POU2F2: variants seen among roughly 807,000 people sequenced by gnomAD.
POU2F2 encodes the protein POU domain, class 2, transcription factor 2.
Under a neutral mutation model 63.5 loss-of-function variants are expected in POU2F2, and 14 were observed. The ratio of observed to expected loss-of-function variants is 0.22; its 90% CI spans 0.15 to 0.34. POU2F2 has a LOEUF of 0.34. Ranked by LOEUF, POU2F2 falls within the 10% of genes least tolerant of loss-of-function variation. The probability of loss-of-function intolerance (pLI) is 1.00; values close to 1 mark genes in which losing one functional copy is unlikely to be tolerated. For synonymous variants in POU2F2, 306 were observed against 348.6 expected (o/e 0.88, Z 1.36); for missense variants, 607 against 815.2 (o/e 0.74, Z 3.11).
At position 42,086,285 on chromosome 19, in the gene POU2F2, G is replaced by T; in HGVS notation, c.*4972C>A. 6.6e-6 allele frequency: 1 copy of T among 152,348 alleles called. No homozygotes were observed. 9.4% of individuals were successfully genotyped at this position (152,348 alleles called of 1,614,324 possible). A position where few individuals can be genotyped will look rare whatever the true frequency, so the allele number is the denominator to read the frequency against. On this transcript the variant is annotated 3_prime_UTR_variant, in exon 15 of 15. Transcript: ENST00000692977. Reference sequence around the variant, plus strand: ...CCGCTACCACGAGAAGAGACGGAGGGGGTACAGGAAGGGAAGGAAGGGGCT... The same window carrying T: ...CCGCTACCACGAGAAGAGACGGAGGTGGTACAGGAAGGGAAGGAAGGGGCT...
intron 2 of POU2F2, among the ~76,000 whole-genome samples, chr19:42,142,559 ATTTG>A (rs1367056237): frequency 6.9e-6 from 1 of 145,410 alleles, no homozygotes; most frequent in African/African-American, 2.6e-5. Flanking sequence ...GGGGTTTTTT[ATTTG>A]TTTTTGTTTT....
intron 1 of POU2F2, among the ~76,000 whole-genome samples, chr19:42,127,617 A>G (rs1461672929): frequency 6.6e-6 from 1 of 151,970 alleles, no homozygotes; most frequent in Non-Finnish European, 1.5e-5. Flanking sequence ...TCCTGACCTC[A>G]TGATCTGCCC....
chr19:42,189,684 G>A (rs1296394419), intron 1 of POU2F2, among the ~76,000 whole-genome samples: 1 of 152,162 alleles, frequency 6.6e-6, no homozygotes, highest in Non-Finnish European at 1.5e-5. Context: ...AGCACGAGGG[G>A]AGCATAGCCT....
intron 1 of POU2F2, among the ~76,000 whole-genome samples, chr19:42,164,425 G>A (rs2034610290): frequency 6.6e-6 from 1 of 151,696 alleles, no homozygotes; most frequent in Non-Finnish European, 1.5e-5. Flanking sequence ...AAAATAGTTA[G>A]CTAGGCGTGG....
chr19:42,099,892 G>A (rs2077065174), intron 5 of POU2F2, 71 bp from the exon 6 acceptor site: 2 of 1,252,560 alleles, frequency 1.6e-6, no homozygotes, highest in Admixed American at 4.0e-5. Flanking sequence ...TGCATCACCT[G>A]AACCTTGAGG....
intron 1 of POU2F2, among the ~76,000 whole-genome samples, chr19:42,161,552 A>G (rs937995667): frequency 2.0e-5 from 3 of 152,014 alleles, no homozygotes; most frequent in African/African-American, 4.8e-5. Flanking sequence ...AAGGAGGAGG[A>G]GGAGAAAGAA....
At chr19:42,175,280 T>C (rs781588964) in intron 1 of POU2F2, among the ~76,000 whole-genome samples, 9 of 152,088 alleles carry the variant, frequency 5.9e-5, no homozygotes, top group Non-Finnish European at 1.0e-4. Context: ...AGGGTAGAAA[T>C]ACATGGGGTT....
chr19:42,106,375 T>C (rs2030001305), intron 5 of POU2F2, among the ~76,000 whole-genome samples: 1 of 152,172 alleles, frequency 6.6e-6, no homozygotes. Flanking sequence ...CCTCTCAAAG[T>C]GCTGGGGTCA....
chr19:42,144,927 ATC>A (rs1259709097), intron 2 of POU2F2, among the ~76,000 whole-genome samples: 1 of 152,206 alleles, frequency 6.6e-6, no homozygotes, highest in Non-Finnish European at 1.5e-5. Context: ...GGCCTCTTGC[ATC>A]TCTGCAAAAG....
Position 42,099,861 on chromosome 19 carries a change from C to T in POU2F2, c.370-40G>A, listed in dbSNP as rs371413543. 84 of 1,514,486 alleles carry T rather than the reference C, an allele frequency of 5.5e-5. No homozygotes were observed. In the Admixed American group the frequency reaches 1.3e-3, roughly 23 times the overall value. 93.8% of individuals were successfully genotyped at this position (1,514,486 alleles called of 1,614,324 possible). On this transcript the variant is annotated intron_variant, in intron 5 of 14. Coordinates refer to ENST00000692977, the MANE Select transcript of POU2F2 (RefSeq NM_001394376.1). ...GGTGGACAGAAAGATAGCCTGAGTC[C>T]TGGCTGGGTTTCATCCTCTCTGCAT...
At chr19:42,195,783 CT>C (rs1218789626) in intron 1 of POU2F2, among the ~76,000 whole-genome samples, 50 of 112,650 alleles carry the variant, frequency 4.4e-4, no homozygotes, top group Non-Finnish European at 4.7e-4. Context: ...CCCTTCCTGT[CT>C]TTTTTTTTTT....
chr19:42,097,139 T>TCCTTTATCCATTATTCTCCAAGGGTG, intron 7 of POU2F2, among the ~76,000 whole-genome samples: 1 of 151,716 alleles, frequency 6.6e-6, no homozygotes, highest in South Asian at 2.1e-4. Flanking sequence ...GTCGCTCAGG[T>TCCTTTATCCATTATTCTCCAAGGGTG]CCTTTATCCA....
chr19:42,172,320 G>C lies in POU2F2; in HGVS notation c.-70+3643C>G, dbSNP rs567259653. On this transcript the variant is annotated intron_variant, in intron 1 of 6. Transcript: ENST00000524801. ...GTTCTGCTTCAGAGTCTAGGCCTTTGTTGGCCCATGGTCAGTGCCTAGCGA... is the reference window on the plus strand; with the variant it reads ...GTTCTGCTTCAGAGTCTAGGCCTTTCTTGGCCCATGGTCAGTGCCTAGCGA... Among the ~76,000 whole-genome samples the C allele has an allele frequency of 1.8e-4, 28 of 152,310 alleles. No homozygotes were observed. In the East Asian group the frequency reaches 4.0e-3, roughly 22 times the overall value.
chr19:42,135,688 T>G (rs2033993869), upstream of POU2F2, among the ~76,000 whole-genome samples: 1 of 152,000 alleles, frequency 6.6e-6, no homozygotes, highest in Non-Finnish European at 1.5e-5. Context: ...TTTAGCTTTA[T>G]TTTTAAAGTC....
intron 1 of POU2F2, chr19:42,123,124 C>T (rs2032842796): frequency 6.5e-6 from 1 of 152,862 alleles, no homozygotes; most frequent in Admixed American, 6.5e-5. Context: ...CTTCCCACCC[C>T]ACCACTTTCC....
chr19:42,151,083 G>C (rs900073284), intron 2 of POU2F2, among the ~76,000 whole-genome samples: 1 of 152,214 alleles, frequency 6.6e-6, no homozygotes, highest in African/African-American at 2.4e-5. Flanking sequence ...CTCACTCCCG[G>C]AGCCATTTGG....
chr19:42,100,527 G>A (rs1430922275), intron 5 of POU2F2, among the ~76,000 whole-genome samples: 1 of 152,030 alleles, frequency 6.6e-6, no homozygotes, highest in African/African-American at 2.4e-5. Flanking sequence ...GAGGCAGGCG[G>A]ACACACCTGA....
upstream of POU2F2, chr19:42,132,457 C>T (rs1449907623): frequency 2.8e-6 from 4 of 1,434,140 alleles, no homozygotes; most frequent in Non-Finnish European, 2.8e-6. Context: ...GTCATCTCCC[C>T]ACCCTCTCTG....
chr19:42,105,999 T>TTTTCTTTTTCTTTC lies in POU2F2; in HGVS notation c.370-6179_370-6178insGAAAGAAAAAGAAA, dbSNP rs1555897062. Among the ~76,000 whole-genome samples, 7 of 132,324 alleles carry TTTTCTTTTTCTTTC rather than the reference T, an allele frequency of 5.3e-5. No individual in the cohort carries two copies. The South Asian group carries it at 1.8e-3, about 34-fold the overall frequency. The allele number at this position is 132,324 out of a possible 152,430, so 86.8% of individuals were successfully genotyped here. ...ACATATGATATATAGGATCTTTCTT[T>TTTTCTTTTTCTTTC]TTTCTTTCTTTCTTTCTTTCTTTCT... On this transcript the variant is annotated intron_variant, in intron 5 of 14. Transcript: ENST00000692977.
Sources: allele counts gnomAD v4.1 joint callset (sites outside exome capture counted in the v4.1 genomes callset), GRCh38; gene constraint gnomAD v4.1.1; transcripts MANE v1.5; gene names NCBI Gene and HGNC (gene_info 2026-07-23, HGNC 2026-07-21).